Variants in CD93 observed in about 807,000 individuals in gnomAD.
The protein encoded by CD93 is complement component C1q receptor.
CD93 carries 44 observed loss-of-function variants against 45.5 expected under a neutral mutation model. The observed-to-expected ratio is 0.97, with a 90% CI of 0.76 to 1.24. The LOEUF (loss-of-function observed/expected upper bound fraction) is 1.24. Ranked by LOEUF, CD93 falls within the 50% of genes most tolerant of loss-of-function variation. CD93 has a pLI of 0.00. For synonymous variants in CD93, 431 were observed against 370.8 expected, an observed-to-expected ratio of 1.16 and a Z score of -1.87; for missense variants, 918 against 844.5, an observed-to-expected ratio of 1.09 and a Z score of -1.08.
chr20:23,086,239 G>C lies in CD93; in HGVS notation c.-47C>G. On this transcript the variant is annotated 5_prime_UTR_variant, in exon 1 of 2. Transcript: ENST00000246006. ...TGCGGGAGGCGAGAAGCCCAGCGGC[G>C]ACAGGAGCTTCTATCTCGGCTCCCA... The C allele has an allele frequency of 6.8e-7, 1 of 1,462,550 alleles. No individual in the cohort carries two copies. The highest frequency in any genetic ancestry group is 9.0e-7 in the Non-Finnish European group (1 of 1,110,590). 90.6% of individuals were successfully genotyped at this position (1,462,550 alleles called of 1,614,324 possible).
At position 23,081,391 on chromosome 20, in the gene CD93, T is replaced by C. The variant is rs939667993; in HGVS notation, c.*2559A>G. The C allele has an allele frequency of 6.6e-5, 10 of 152,272 alleles. No individual in the cohort carries two copies. The highest frequency in any genetic ancestry group is 1.2e-4 in the Non-Finnish European group (8 of 68,080). The allele number at this position is 152,272 out of a possible 1,614,324, so 9.4% of individuals were successfully genotyped here. ...GGCCTCTTGGCCGGTGGGCATTTGT[T>C]TACCCACTACTGTAGCCCCAAGATC... On this transcript the variant is annotated 3_prime_UTR_variant, in exon 2 of 2. Transcript: ENST00000246006.
Position 23,085,825 on chromosome 20 carries a change from G to C in CD93, c.368C>G (p.Thr123Arg), listed in dbSNP as rs771458153. 1 of 1,605,268 alleles carries C rather than the reference G, an allele frequency of 6.2e-7. No individual in the cohort carries two copies. Among genetic ancestry groups the C allele is most frequent in the South Asian group, 1.1e-5 (1 of 89,364 alleles). Residue 123 changes from threonine (T) to arginine (R), a missense_variant, in exon 1 of 2, where the codon ACG (threonine) becomes AGG (arginine). Coordinates refer to ENST00000246006, the MANE Select transcript of CD93 (RefSeq NM_012072.4). The part of the protein sequence containing the change: ...GFSWVGGGED[T>R]PYSNWHKELR... ...CTCCTTGTGCCAGTTAGAGTAAGGC[G>C]TGTCCTCCCCCCCGCCCACCCAGCT...
rs1415230155 is a variant in CD93 at position 23,085,318 on chromosome 20, C to T, written c.875G>A (p.Arg292Gln). The T allele has an allele frequency of 4.3e-6, 7 of 1,613,998 alleles. No individual in the cohort carries two copies. Among genetic ancestry groups the T allele is most frequent in the Admixed American group, 1.7e-5 (1 of 60,028 alleles). ...SFLCGCRPGF[R>Q]LLDDLVTCAS... ...ACAGGTCACCAGGTCATCCAGCAGC[C>T]GGAATCCTGGTCGGCAGCCGCAGAG... The change falls in exon 1 of 2, where the codon CGG becomes CAG. Residue 292 changes from arginine (R) to glutamine (Q), a missense_variant. Arg to Gln is a conservative substitution (Grantham distance 43). Transcript: ENST00000246006.
chr20:23,085,363 T>C lies in CD93; in HGVS notation c.830A>G (p.Glu277Gly). 6.2e-7 allele frequency: 1 copy of C among 1,613,876 alleles called. No homozygotes were observed. Among genetic ancestry groups the C allele is most frequent in the Non-Finnish European group, 8.5e-7 (1 of 1,179,948 alleles). ...NNGGCHQDCF[E>G]GGDGSFLCGC... ...GCAGAGGAAGGAGCCATCCCCCCCT[T>C]CAAAGCAGTCCTGGTGGCAGCCCCC... Residue 277 changes from glutamate to glycine, a missense_variant, in exon 1 of 2, where the codon GAA (glutamate) becomes GGA (glycine). By Grantham distance (98) the Glu-to-Gly change is moderately conservative (BLOSUM62 -2). Transcript: ENST00000246006.
rs958702684 is a variant in CD93 at position 23,079,626 on chromosome 20, G to A, written c.*4324C>T. 1.3e-5 allele frequency: 2 copies of A among 152,188 alleles called. No individual in the cohort carries two copies. The highest frequency in any genetic ancestry group is 2.9e-5 in the Non-Finnish European group (2 of 68,046). 9.4% of individuals were successfully genotyped at this position (152,188 alleles called of 1,614,324 possible). On this transcript the variant is annotated 3_prime_UTR_variant, in exon 2 of 2. Coordinates refer to ENST00000246006, the MANE Select transcript of CD93 (RefSeq NM_012072.4). ...ACTTACATTCTCATTTAGCATTCAT[G>A]AAGTGATTACTGACATTTACAATTA... is the stretch of plus-strand genomic sequence containing the variant.
chr20:23,080,580 A>G lies in CD93; in HGVS notation c.*3370T>C, dbSNP rs1229062664. On this transcript the variant is annotated 3_prime_UTR_variant, in exon 2 of 2. Coordinates refer to ENST00000246006, the MANE Select transcript of CD93 (RefSeq NM_012072.4). Reference sequence around the variant, plus strand: ...AAGCCTTGCTCCTCCACCACTGGCTAACAGACAGGCCTCCAGGTGGCCTTG... The same window carrying G: ...AAGCCTTGCTCCTCCACCACTGGCTGACAGACAGGCCTCCAGGTGGCCTTG... 6.6e-6 allele frequency: 1 copy of G among 152,256 alleles called. No homozygotes were observed. Among genetic ancestry groups the G allele is most frequent in the Non-Finnish European group, 1.5e-5 (1 of 68,056 alleles). 9.4% of individuals were successfully genotyped at this position (152,256 alleles called of 1,614,324 possible).
chr20:23,080,058 C>T lies in CD93; in HGVS notation c.*3892G>A, dbSNP rs1383553216. ...AGACAGATGTTTTCTGGGATCATAT[C>T]TCAGATTCCCAAGCTAAAGCTATTG... is the stretch of plus-strand genomic sequence containing the variant. On this transcript the variant is annotated 3_prime_UTR_variant, in exon 2 of 2. Coordinates refer to ENST00000246006, the MANE Select transcript of CD93 (RefSeq NM_012072.4). 6.6e-6 allele frequency: 1 copy of T among 152,212 alleles called. No homozygotes were observed. Among genetic ancestry groups the T allele is most frequent in the Non-Finnish European group, 1.5e-5 (1 of 68,010 alleles). The allele number at this position is 152,212 out of a possible 1,614,324, so 9.4% of individuals were successfully genotyped here. A position where few individuals can be genotyped will look rare whatever the true frequency, so the allele number is the denominator to read the frequency against.
At position 23,085,294 on chromosome 20, in the gene CD93, C is replaced by T; in HGVS notation, c.899G>A (p.Cys300Tyr). 2.5e-6 allele frequency: 4 copies of T among 1,613,982 alleles called. No individual in the cohort carries two copies. Among genetic ancestry groups the T allele is most frequent in the Non-Finnish European group, 3.4e-6 (4 of 1,180,026 alleles). ...GFRLLDDLVT[C>Y]ASRNPCSSSP... ...GGAGCTGCAAGGGTTTCGAGAGGCA[C>T]AGGTCACCAGGTCATCCAGCAGCCG... is the stretch of plus-strand genomic sequence containing the variant. Residue 300 changes from cysteine (C) to tyrosine (Y), a missense_variant, in exon 1 of 2, where the codon TGT becomes TAT. Cys to Tyr is a radical substitution (Grantham distance 194, BLOSUM62 -2). Coordinates refer to ENST00000246006, the MANE Select transcript of CD93 (RefSeq NM_012072.4).
In CD93 at chr20:23,084,404, G is replaced by A; in HGVS notation, c.1789C>T (p.Leu597=). ...LGTVVAILLL[L]ALALGLLVYR... ...ACCAGTAGCCCCAGAGCCAGGGCCA[G>A]CAGGAGTAGGATGGCCACCACGGTG... is the stretch of plus-strand genomic sequence containing the variant. The change falls in exon 1 of 2, where the codon CTG becomes TTG. Residue 597 remains leucine, a synonymous_variant. Coordinates refer to ENST00000246006, the MANE Select transcript of CD93 (RefSeq NM_012072.4). 6.2e-7 allele frequency: 1 copy of A among 1,614,248 alleles called. No individual in the cohort carries two copies. The highest frequency in any genetic ancestry group is 8.5e-7 in the Non-Finnish European group (1 of 1,180,044).
rs773817438 is a variant in CD93 at position 23,083,692 on chromosome 20, G to T, written c.*258C>A. On this transcript the variant is annotated 3_prime_UTR_variant, in exon 2 of 2. Coordinates refer to ENST00000246006, the MANE Select transcript of CD93 (RefSeq NM_012072.4). ...TTGGTCACATTGGAATTTGAAAAGG[G>T]AGGGGGAGTAACAATCATTATAGAG... The T allele has an allele frequency of 1.8e-6, 1 of 559,932 alleles. No homozygotes were observed. The highest frequency in any genetic ancestry group is 3.2e-6 in the Non-Finnish European group (1 of 312,832). 34.7% of individuals were successfully genotyped at this position (559,932 alleles called of 1,614,324 possible). A position where few individuals can be genotyped will look rare whatever the true frequency, so the allele number is the denominator to read the frequency against.
Position 23,084,578 on chromosome 20 carries a change from C to G in CD93, c.1615G>C (p.Gly539Arg). 3 of 1,612,090 alleles carry G rather than the reference C, an allele frequency of 1.9e-6. No homozygotes were observed. The highest frequency in any genetic ancestry group is 1.7e-6 in the Non-Finnish European group (2 of 1,178,806). Residue 539 changes from glycine (G) to arginine (R), a missense_variant, in exon 1 of 2, where the codon GGG becomes CGG. Transcript: ENST00000246006. ...GGCTCCCTCCAGACGCCTGGGGACC[C>G]ACTGGGGGCCAGCATCTTGAGTGGG... ...SAPLKMLAPS[G>R]SPGVWREPSI...
chr20:23,085,819 T>G lies in CD93; in HGVS notation c.374A>C (p.Tyr125Ser). 1 of 1,607,766 alleles carries G rather than the reference T, an allele frequency of 6.2e-7. No individual in the cohort carries two copies. The highest frequency in any genetic ancestry group is 8.5e-7 in the Non-Finnish European group (1 of 1,177,840). Residue 125 changes from tyrosine to serine, a missense_variant, in exon 1 of 2, where the codon TAC becomes TCC. By Grantham distance (144) the Tyr-to-Ser change is moderately radical. Coordinates refer to ENST00000246006, the MANE Select transcript of CD93 (RefSeq NM_012072.4). ...SWVGGGEDTP[Y>S]SNWHKELRNS... ...CCGGAGCTCCTTGTGCCAGTTAGAGTAAGGCGTGTCCTCCCCCCCGCCCAC... is the reference window on the plus strand; with the variant it reads ...CCGGAGCTCCTTGTGCCAGTTAGAGGAAGGCGTGTCCTCCCCCCCGCCCAC...
chr20:23,086,094 C>A lies in CD93; in HGVS notation c.99G>T (p.Gly33=). The change falls in exon 1 of 2, where the codon GGG becomes GGT. Residue 33 remains glycine (G), a synonymous_variant. Transcript: ENST00000246006. Reference sequence around the variant, plus strand: ...CCGAGTGGGCCGTGTAGCAGGCGGTCCCCACGCAGACCACCGCCTCCGTGT... The same window carrying A: ...CCGAGTGGGCCGTGTAGCAGGCGGTACCCACGCAGACCACCGCCTCCGTGT... The part of the protein sequence containing the change: ...GADTEAVVCV[G]TACYTAHSGK... 1 of 1,597,180 alleles carries A rather than the reference C, an allele frequency of 6.3e-7. No individual in the cohort carries two copies.
Position 23,085,573 on chromosome 20 carries a change from G to A in CD93, c.620C>T (p.Thr207Ile), listed in dbSNP as rs764731367. 1.2e-6 allele frequency: 2 copies of A among 1,613,900 alleles called. No individual in the cohort carries two copies. The highest frequency in any genetic ancestry group is 2.2e-5 in the South Asian group (2 of 91,090). Residue 207 changes from threonine to isoleucine, a missense_variant, in exon 1 of 2, where the codon ACC becomes ATC. Coordinates refer to ENST00000246006, the MANE Select transcript of CD93 (RefSeq NM_012072.4). Reference protein sequence around the residue: ...GQVTYTTPFQTTSSSLEAVPF... With the variant: ...GQVTYTTPFQITSSSLEAVPF... ...CACAGCCTCCAAGGAGGAACTGGTG[G>A]TCTGGAAGGGGGTGGTGTAGGTCAC...
In CD93 at chr20:23,086,064, C is replaced by T. The variant is rs977747178; in HGVS notation, c.129G>A (p.Lys43=). ...GGTTCTGGGCCTCGGCAGCGCTCAG[C>T]TTGCCCGAGTGGGCCGTGTAGCAGG... The part of the protein sequence containing the change: ...GTACYTAHSG[K]LSAAEAQNHC... Residue 43 remains lysine (K), a synonymous_variant, in exon 1 of 2, where the codon AAG becomes AAA. Transcript: ENST00000246006. The T allele has an allele frequency of 6.2e-7, 1 of 1,604,932 alleles. No homozygotes were observed. Among genetic ancestry groups the T allele is most frequent in the Non-Finnish European group, 8.5e-7 (1 of 1,179,316 alleles).
rs755334772 is a variant in CD93 at position 23,084,878 on chromosome 20, AGAGGGGGCCCCCCG to A, written c.1301_1314del (p.Pro434LeufsTer45). ...TGTGTGTTGAAGCACAAGCTGTCGC[AGAGGGGGCCCCCCG>A]GGCCCACACACTCATCCACGTCCTG... On this transcript the variant is annotated frameshift_variant, in exon 1 of 2. Transcript: ENST00000246006. LOFTEE classifies it high-confidence loss of function. The A allele has an allele frequency of 1.2e-6, 2 of 1,613,134 alleles. No homozygotes were observed. The highest frequency in any genetic ancestry group is 2.2e-5 in the South Asian group (2 of 91,052).
chr20:23,085,251 C>A lies in CD93; in HGVS notation c.942G>T (p.Gly314=), dbSNP rs116176982. ...CATGGGGTCCCAGGACGCACGTGGC[C>A]CCCCCACGACATGGGCTGGAGCTGC... ...NPCSSSPCRG[G]ATCVLGPHGK... is the part of the protein sequence containing the mutation. The change falls in exon 1 of 2, where the codon GGG becomes GGT. Residue 314 remains glycine, a synonymous_variant. Coordinates refer to ENST00000246006, the MANE Select transcript of CD93 (RefSeq NM_012072.4). 1.5e-4 allele frequency: 245 copies of A among 1,612,744 alleles called. No individual in the cohort carries two copies. The African/African-American group carries it at 2.6e-3, about 17-fold the overall frequency.
At position 23,085,083 on chromosome 20, in the gene CD93, C is replaced by T; in HGVS notation, c.1110G>A (p.Trp370Ter). 6.2e-7 allele frequency: 1 copy of T among 1,610,230 alleles called. No individual in the cohort carries two copies. Among genetic ancestry groups the T allele is most frequent in the Non-Finnish European group, 8.5e-7 (1 of 1,177,860 alleles). Reference protein sequence around the residue: ...NTPGGFRCECWVGYEPGGPGE... With the variant: ...NTPGGFRCEC ...CAGGACCGCCCGGCTCATAGCCAAC[C>T]CAGCATTCGCAGCGGAAGCCCCCAG... Residue 370 changes from tryptophan (W) to a stop codon, truncating the protein, a stop_gained, in exon 1 of 2, where the codon TGG becomes TGA. Coordinates refer to ENST00000246006, the MANE Select transcript of CD93 (RefSeq NM_012072.4). LOFTEE classifies it high-confidence loss of function.
At chr20:23,084,196 T>C in intron 1 of CD93, 63 bp downstream of exon 1, 1 of 1,571,602 alleles carries the variant, frequency 6.4e-7, no homozygotes, top group Non-Finnish European at 8.7e-7. Context: ...CACCTCTTTG[T>C]ACTGTAGTCA....
Sources: gnomAD v4.1 joint callset for allele counts on GRCh38, gnomAD v4.1.1 for gene constraint, MANE v1.5 for transcripts, NCBI Gene and HGNC (gene_info 2026-07-23, HGNC 2026-07-21) for gene names.